TNFRSF1A: variants seen among roughly 807,000 people sequenced by gnomAD.
TNFRSF1A encodes the protein tumor necrosis factor receptor superfamily member 1A.
TNFRSF1A carries 9 observed loss-of-function variants against 41.6 expected under a neutral mutation model. The observed-to-expected ratio is 0.22, with a 90% CI of 0.13 to 0.38. The LOEUF is 0.38. Among genes scored for constraint, TNFRSF1A ranks in the 10% least tolerant of loss-of-function variants. The probability of loss-of-function intolerance (pLI) is 1.00; values close to 1 mark genes in which losing one functional copy is unlikely to be tolerated. For synonymous variants in TNFRSF1A, 254 were observed against 248.6 expected, an observed-to-expected ratio of 1.02 and a Z score of -0.21; for missense variants, 463 against 591.5, an observed-to-expected ratio of 0.78 and a Z score of 2.25.
At chr12:6,338,580 T>C (rs765041695) in intron 1 of TNFRSF1A, among the ~76,000 whole-genome samples, 1 of 46,974 alleles carries the variant, frequency 2.1e-5, no homozygotes, top group Non-Finnish European at 5.1e-5. Context: ...GCCTCACTAC[T>C]TTTTTTTTTT....
At position 6,334,626 on chromosome 12, in the gene TNFRSF1A, T is replaced by A. The variant is rs1367649275; in HGVS notation, c.40-382A>T. On this transcript the variant is annotated intron_variant, in intron 1 of 9. Transcript: ENST00000162749. This position sits in a 1 kb window ranked among gnomAD's most constrained non-coding sequence, Gnocchi z 5.1. ...AGTCCTCCCACCTTAGCCTCCTGAA[T>A]AGCTGGGACTACGGCCGTGAACCAC... is the stretch of plus-strand genomic sequence containing the variant. Among the ~76,000 whole-genome samples the A allele has an allele frequency of 1.3e-5, 2 of 152,082 alleles. No homozygotes were observed. The highest frequency in any genetic ancestry group is 2.9e-5 in the Non-Finnish European group (2 of 68,002).
In TNFRSF1A at chr12:6,333,231, TG is replaced by T. The variant is rs751729412; in HGVS notation, c.473-85del. On this transcript the variant is annotated intron_variant, in intron 4 of 9. Coordinates refer to ENST00000162749, the MANE Select transcript of TNFRSF1A (RefSeq NM_001065.4). The surrounding 1 kb of genome is among the most constrained non-coding windows in gnomAD (Gnocchi z 6.3). The stretch of plus-strand genomic sequence containing the variant: ...ACAGAGGAAGTGACGAGGGACAGGG[TG>T]GGGGCGGCCAGAGAGGAGTTGGTTG... 6 of 1,559,476 alleles carry T rather than the reference TG, an allele frequency of 3.8e-6. No homozygotes were observed. The Admixed American group carries it at 8.8e-5, about 23-fold the overall frequency.
rs1365395356 is a variant in TNFRSF1A at position 6,333,060 on chromosome 12, G to A, written c.551+9C>T. On this transcript the variant is annotated intron_variant, in intron 5 of 9. Coordinates refer to ENST00000162749, the MANE Select transcript of TNFRSF1A (RefSeq NM_001065.4). The surrounding 1 kb of genome is among the most constrained non-coding windows in gnomAD (Gnocchi z 6.3). ...CATCCAGTGCCCAGCAGCTCTCAGA[G>A]ATACTCACTTACTACAGGAGACACA... 6.2e-7 allele frequency: 1 copy of A among 1,613,324 alleles called. No homozygotes were observed. Among genetic ancestry groups the A allele is most frequent in the Non-Finnish European group, 8.5e-7 (1 of 1,179,352 alleles).
chr12:6,339,816 TTCTCTCTCTCTC>T (rs71450139), intron 1 of TNFRSF1A, among the ~76,000 whole-genome samples: 2 of 139,340 alleles, frequency 1.4e-5, no homozygotes, highest in East Asian at 4.3e-4. Context: ...CCTACCCCAC[TTCTCTCTCTCTC>T]TCTCTCTCTC....
chr12:6,333,744 G>A lies in TNFRSF1A; in HGVS notation c.315C>T (p.Cys105=). 1 of 1,569,686 alleles carries A rather than the reference G, an allele frequency of 6.4e-7. No homozygotes were observed. Among genetic ancestry groups the A allele is most frequent in the Middle Eastern group, 1.7e-4 (1 of 5,976 alleles). Residue 105 remains cysteine (C), a synonymous_variant, in exon 3 of 10, where the codon TGC becomes TGT. Coordinates refer to ENST00000162749, the MANE Select transcript of TNFRSF1A (RefSeq NM_001065.4). This position sits in a 1 kb window ranked among gnomAD's most constrained non-coding sequence, Gnocchi z 6.3. ...CTGCCTGTGCACACTCACCCTTTCGGCATTTGGAGCAGCTGAGGCAGTGTC... is the reference window on the plus strand; with the variant it reads ...CTGCCTGTGCACACTCACCCTTTCGACATTTGGAGCAGCTGAGGCAGTGTC... ...HLRHCLSCSK[C]RKEMGQVEIS...
intron 5 of TNFRSF1A, among the ~76,000 whole-genome samples, chr12:6,332,157 C>A (rs537518179): frequency 6.6e-6 from 1 of 152,056 alleles, no homozygotes; most frequent in African/African-American, 2.4e-5. Flanking sequence ...ATCTAAGGCC[C>A]AGGCCAGGCG....
intron 1 of TNFRSF1A, among the ~76,000 whole-genome samples, chr12:6,340,606 A>G (rs1272383577): frequency 6.6e-6 from 1 of 152,134 alleles, no homozygotes; most frequent in East Asian, 1.9e-4. Context: ...CGGAGCAGAG[A>G]GGAGGGGAAG....
At position 6,330,727 on chromosome 12, in the gene TNFRSF1A, G is replaced by C; in HGVS notation, c.626-16C>G. 1 of 1,607,624 alleles carries C rather than the reference G, an allele frequency of 6.2e-7. No individual in the cohort carries two copies. On this transcript the variant is annotated splice_polypyrimidine_tract_variant and intron_variant, in intron 6 of 9. Transcript: ENST00000162749. Reference sequence around the variant, plus strand: ...ACTGTGGTGCCTGCAGACAAAGCAGGTGTTGGTCAGAGGAGCGGGCAGAGG... The same window carrying C: ...ACTGTGGTGCCTGCAGACAAAGCAGCTGTTGGTCAGAGGAGCGGGCAGAGG...
At position 6,341,444 on chromosome 12, in the gene TNFRSF1A, C is replaced by T. The variant is rs112553379; in HGVS notation, c.39+332G>A. ...TTCCTACTCCCACTCCCTTCTTTTCCCCGCCAAATCTGCCCCACCCTGGGC... is the reference window on the plus strand; with the variant it reads ...TTCCTACTCCCACTCCCTTCTTTTCTCCGCCAAATCTGCCCCACCCTGGGC... On this transcript the variant is annotated intron_variant, in intron 1 of 9. Coordinates refer to ENST00000162749, the MANE Select transcript of TNFRSF1A (RefSeq NM_001065.4). The surrounding 1 kb of genome is among the most constrained non-coding windows in gnomAD (Gnocchi z 4.6). Among the ~76,000 whole-genome samples, 202 of 152,356 alleles carry T rather than the reference C, an allele frequency of 1.3e-3. No individual in the cohort carries two copies. The highest frequency in any genetic ancestry group is 3.4e-3 in the Middle Eastern group (1 of 294).
Position 6,329,153 on chromosome 12 carries a change from CAGG to C in TNFRSF1A, c.*156_*158del. The C allele has an allele frequency of 1.5e-6, 1 of 671,600 alleles. No homozygotes were observed. The highest frequency in any genetic ancestry group is 2.2e-6 in the Non-Finnish European group (1 of 448,762). The allele number at this position is 671,600 out of a possible 1,614,324, so 41.6% of individuals were successfully genotyped here. ...CACAGCGCTGACTGTCGGCGGCGCG[CAGG>C]CAGCTGAGAAAAGCTATGTACATCG... On this transcript the variant is annotated 3_prime_UTR_variant, in exon 10 of 10. Coordinates refer to ENST00000162749, the MANE Select transcript of TNFRSF1A (RefSeq NM_001065.4).
chr12:6,329,728 C>T (rs1316610846), intron 9 of TNFRSF1A, 50 bp downstream of exon 9: 3 of 1,563,776 alleles, frequency 1.9e-6, no homozygotes, highest in East Asian at 2.4e-5. Flanking sequence ...CTCCCGCGCT[C>T]CCCCGGCCCT....
intron 1 of TNFRSF1A, among the ~76,000 whole-genome samples, chr12:6,336,597 T>C (rs767142183): frequency 2.0e-5 from 3 of 150,458 alleles, no homozygotes; most frequent in Non-Finnish European, 3.0e-5. Context: ...TTCCGGGAAA[T>C]GCCTCCCTCT....
rs104895264 is a variant in TNFRSF1A, at chr12:6,331,015, T to A, written c.552-89A>T. On this transcript the variant is annotated intron_variant, in intron 5 of 9. Transcript: ENST00000162749. ...CACACAGATTGTTGGACATCCTTTC[T>A]TTACAAATATTTTTGCTGTCTCTTG... 478 of 1,116,210 alleles carry A rather than the reference T, an allele frequency of 4.3e-4. 1 individual carries two copies. The African/African-American group carries it at 4.9e-3, about 11-fold the overall frequency. The allele number at this position is 1,116,210 out of a possible 1,614,324, so 69.1% of individuals were successfully genotyped here.
intron 9 of TNFRSF1A, 38 bp downstream of exon 9, chr12:6,329,740 C>G (rs769866249): frequency 6.3e-7 from 1 of 1,577,868 alleles, no homozygotes; most frequent in East Asian, 2.3e-5. Context: ...CCCGGCCCTC[C>G]CCCAGCCTCC....
chr12:6,337,322 C>G lies in TNFRSF1A; in HGVS notation c.40-3078G>C, dbSNP rs113908292. Among the ~76,000 whole-genome samples the G allele has an allele frequency of 3.9e-5, 6 of 152,210 alleles. No homozygotes were observed. Among genetic ancestry groups the G allele is most frequent in the Non-Finnish European group, 5.9e-5 (4 of 68,040 alleles). ...GGAAGCTGGGGTGCCTGTGGAGAGACAGTTGAGGGGGTGGCCCAACACCCC... is the reference window on the plus strand; with the variant it reads ...GGAAGCTGGGGTGCCTGTGGAGAGAGAGTTGAGGGGGTGGCCCAACACCCC... On this transcript the variant is annotated intron_variant, in intron 1 of 9. Transcript: ENST00000162749. The surrounding 1 kb of genome is among the most constrained non-coding windows in gnomAD (Gnocchi z 4.6).
Position 6,333,470 on chromosome 12 carries a change from G to C in TNFRSF1A, c.369C>G (p.Thr123=). The C allele has an allele frequency of 6.2e-7, 1 of 1,614,068 alleles. No homozygotes were observed. Among genetic ancestry groups the C allele is most frequent in the Non-Finnish European group, 8.5e-7 (1 of 1,180,008 alleles). ...EISSCTVDRD[T]VCGCRKNQYR... ...ACTGGTTCTTCCTGCAGCCACACACGGTGTCCCGGTCCACTGTGCAAGAAG... is the reference window on the plus strand; with the variant it reads ...ACTGGTTCTTCCTGCAGCCACACACCGTGTCCCGGTCCACTGTGCAAGAAG... Residue 123 remains threonine, a synonymous_variant, in exon 4 of 10, where the codon ACC becomes ACG. Transcript: ENST00000162749. This position sits in a 1 kb window ranked among gnomAD's most constrained non-coding sequence, Gnocchi z 6.3.
At position 6,333,916 on chromosome 12, in the gene TNFRSF1A, G is replaced by T; in HGVS notation, c.194-51C>A. 1 of 1,601,958 alleles carries T rather than the reference G, an allele frequency of 6.2e-7. No individual in the cohort carries two copies. On this transcript the variant is annotated intron_variant, in intron 2 of 9. Transcript: ENST00000162749. The surrounding 1 kb of genome is among the most constrained non-coding windows in gnomAD (Gnocchi z 6.3). Reference sequence around the variant, plus strand: ...CTGCGGGTGAGAACACAAGGAAGGAGCCCCATGCTAGGGACAACAGCCAGG... The same window carrying T: ...CTGCGGGTGAGAACACAAGGAAGGATCCCCATGCTAGGGACAACAGCCAGG...
Position 6,341,976 on chromosome 12 carries a change from A to G in TNFRSF1A, c.-162T>C, listed in dbSNP as rs886049751. 2 of 733,378 alleles carry G rather than the reference A, an allele frequency of 2.7e-6. No individual in the cohort carries two copies. The highest frequency in any genetic ancestry group is 4.8e-6 in the Non-Finnish European group (2 of 413,546). 45.4% of individuals were successfully genotyped at this position (733,378 alleles called of 1,614,324 possible). ...GGCATAGAGATCACGGCCTGGTCCC[A>G]GTGATCTTGAACCCCAAAGGCCAGA... On this transcript the variant is annotated 5_prime_UTR_variant, in exon 1 of 10. Transcript: ENST00000162749. The surrounding 1 kb of genome is among the most constrained non-coding windows in gnomAD (Gnocchi z 4.6).
At chr12:6,340,585 C>T (rs917374959) in intron 1 of TNFRSF1A, among the ~76,000 whole-genome samples, 7 of 151,854 alleles carry the variant, frequency 4.6e-5, no homozygotes, top group Admixed American at 1.3e-4. Context: ...GACCTGGGGC[C>T]GGGACCAGAG....
Sources: allele counts gnomAD v4.1 joint callset (sites outside exome capture counted in the v4.1 genomes callset), GRCh38; gene constraint gnomAD v4.1.1; non-coding constraint Gnocchi (gnomAD v3.1); transcripts MANE v1.5; gene names NCBI Gene and HGNC (gene_info 2026-07-23, HGNC 2026-07-21).